The following HTR4 variants were observed in gnomAD, a reference collection of about 807,000 sequenced individuals.
HTR4 encodes the protein 5-hydroxytryptamine receptor 4.
HTR4 carries 16 observed loss-of-function variants against 36.8 expected under a neutral mutation model. That is an observed-to-expected ratio of 0.43 (90% confidence interval 0.29 to 0.66). HTR4 has a LOEUF of 0.66. Among genes scored for constraint, HTR4 ranks in the 30% least tolerant of loss-of-function variants. The probability of loss-of-function intolerance (pLI) is 0.13; values close to 1 mark genes in which losing one functional copy is unlikely to be tolerated. For missense variants in HTR4, 438 were observed against 490.9 expected (o/e 0.89, Z 1.02); for synonymous variants, 189 against 185.1 (o/e 1.02, Z -0.17).
intron 4 of HTR4, among the ~76,000 whole-genome samples, chr5:148,524,743 C>T (rs1758181584): frequency 6.6e-6 from 1 of 152,200 alleles, no homozygotes; most frequent in South Asian, 2.1e-4. Context: ...AATGATGAAC[C>T]ACCCTCATAC....
intron 4 of HTR4, among the ~76,000 whole-genome samples, chr5:148,529,384 C>A (rs192164562): frequency 7.4e-4 from 112 of 152,228 alleles, no homozygotes; most frequent in African/African-American, 2.6e-3. Flanking sequence ...CACGGGAGTG[C>A]GTCTTTCCCA....
chr5:148,603,706 AATTT>A (rs1439489163), intron 2 of HTR4, among the ~76,000 whole-genome samples: 1 of 152,130 alleles, frequency 6.6e-6, no homozygotes, highest in African/African-American at 2.4e-5. Context: ...TTTCCAAATT[AATTT>A]TATTTTGACA....
intron 2 of HTR4, among the ~76,000 whole-genome samples, chr5:148,607,008 G>A (rs142684841): frequency 6.6e-6 from 1 of 152,310 alleles, no homozygotes; most frequent in Non-Finnish European, 1.5e-5. Context: ...TGGAGATAAA[G>A]GCAATCCTTT....
intron 2 of HTR4, among the ~76,000 whole-genome samples, chr5:148,552,626 A>T (rs1759754518): frequency 6.6e-6 from 1 of 152,202 alleles, no homozygotes; most frequent in Non-Finnish European, 1.5e-5. Context: ...GATTAAATTT[A>T]ACCCCCAGTT....
intron 4 of HTR4, among the ~76,000 whole-genome samples, chr5:148,526,034 A>C (rs1472148959): frequency 6.6e-6 from 1 of 152,202 alleles, no homozygotes; most frequent in Admixed American, 6.5e-5. Context: ...AGCAACCAGC[A>C]GAAGCCAGGA....
In HTR4 at chr5:148,482,080, A is replaced by G; in HGVS notation, c.*1123T>C. The G allele has an allele frequency of 1.0e-6, 1 of 981,550 alleles. No homozygotes were observed. The highest frequency in any genetic ancestry group is 1.2e-6 in the Non-Finnish European group (1 of 826,206). The allele number at this position is 981,550 out of a possible 1,614,324, so 60.8% of individuals were successfully genotyped here. ...CAGAGATGAAAGAACACTATTCAAG[A>G]TCTCACAGCTTGTTTGCAGCACAGC... On this transcript the variant is annotated 3_prime_UTR_variant, in exon 7 of 7. Coordinates refer to ENST00000377888, the MANE Select transcript of HTR4 (RefSeq NM_000870.7).
At chr5:148,457,702 T>C (rs991819485) in intron 5 of HTR4, among the ~76,000 whole-genome samples, 1 of 146,218 alleles carries the variant, frequency 6.8e-6, no homozygotes, top group Non-Finnish European at 1.5e-5. Context: ...TGATATATCA[T>C]TAAAATATAT....
At chr5:148,622,431 C>G (rs542762634) in intron 2 of HTR4, among the ~76,000 whole-genome samples, 3 of 152,330 alleles carry the variant, frequency 2.0e-5, no homozygotes, top group Admixed American at 1.3e-4. Flanking sequence ...CCACATGTCC[C>G]AACCTACAAG....
chr5:148,452,065 C>A (rs1489569082), intron 5 of HTR4, among the ~76,000 whole-genome samples: 1 of 152,184 alleles, frequency 6.6e-6, no homozygotes, highest in Non-Finnish European at 1.5e-5. Flanking sequence ...TATTTGGCAT[C>A]ATATGTTGAC....
intron 2 of HTR4, among the ~76,000 whole-genome samples, chr5:148,587,528 C>T (rs1761391821): frequency 6.6e-6 from 1 of 152,154 alleles, no homozygotes; most frequent in African/African-American, 2.4e-5. Context: ...TCTGCCTGGG[C>T]TGAGCCCACC....
chr5:148,601,858 T>C (rs1316727725), intron 2 of HTR4, among the ~76,000 whole-genome samples: 3 of 152,272 alleles, frequency 2.0e-5, no homozygotes, highest in East Asian at 1.9e-4. Flanking sequence ...ACTCACAGGA[T>C]GTTATGCTAA....
At chr5:148,462,695 C>T (rs1400468324) in intron 5 of HTR4, among the ~76,000 whole-genome samples, 2 of 151,920 alleles carry the variant, frequency 1.3e-5, no homozygotes, top group East Asian at 3.9e-4. Flanking sequence ...AAACCAAAGA[C>T]ATTACAAAAA....
chr5:148,611,361 G>T (rs1752419249), intron 2 of HTR4, among the ~76,000 whole-genome samples: 1 of 151,796 alleles, frequency 6.6e-6, no homozygotes, highest in South Asian at 2.1e-4. Flanking sequence ...GAAGAGAGTG[G>T]GGGCCAATAT....
intron 5 of HTR4, among the ~76,000 whole-genome samples, chr5:148,457,753 A>G (rs1383593864): frequency 2.1e-5 from 3 of 144,252 alleles, no homozygotes; most frequent in Non-Finnish European, 4.5e-5. Flanking sequence ...TATCATTAAA[A>G]TATATTTTGG....
chr5:148,592,096 A>G (rs1221816654), intron 2 of HTR4, among the ~76,000 whole-genome samples: 1 of 152,186 alleles, frequency 6.6e-6, no homozygotes, highest in East Asian at 1.9e-4. Context: ...AACATGGATA[A>G]AGCTGGAGGC....
chr5:148,614,375 C>A (rs1752574351), intron 2 of HTR4, among the ~76,000 whole-genome samples: 1 of 152,064 alleles, frequency 6.6e-6, no homozygotes, highest in Non-Finnish European at 1.5e-5. Context: ...AGAAATAATG[C>A]CGCATATCTA....
chr5:148,613,797 A>C (rs1351313061), intron 2 of HTR4, among the ~76,000 whole-genome samples: 2 of 150,856 alleles, frequency 1.3e-5, no homozygotes, highest in African/African-American at 4.9e-5. Context: ...GTCTCAGCCC[A>C]AAATCTCCTT....
At chr5:148,531,374 G>C (rs1021745329) in intron 4 of HTR4, among the ~76,000 whole-genome samples, 2 of 152,106 alleles carry the variant, frequency 1.3e-5, no homozygotes, top group Admixed American at 6.5e-5. Context: ...GGTCTCAAAA[G>C]ATCTGATGGT....
At position 148,523,114 on chromosome 5, in the gene HTR4, C is replaced by A. The variant is rs181850896; in HGVS notation, c.507+79G>T. The A allele has an allele frequency of 1.0e-4, 135 of 1,300,914 alleles. 1 individual carries two copies. The East Asian group carries it at 2.4e-3, about 23-fold the overall frequency. The allele number at this position is 1,300,914 out of a possible 1,614,324, so 80.6% of individuals were successfully genotyped here. ...CTATCAGATTCTTAGAATACTCAAT[C>A]TAATATTATTTATTCATTTAGGAAC... On this transcript the variant is annotated intron_variant, in intron 5 of 6. Transcript: ENST00000377888.
Sources: allele counts gnomAD v4.1 joint callset (sites outside exome capture counted in the v4.1 genomes callset), GRCh38; gene constraint gnomAD v4.1.1; transcripts MANE v1.5; gene names NCBI Gene and HGNC (gene_info 2026-07-23, HGNC 2026-07-21).